The following MARCHF1 variants were observed in gnomAD, a reference collection of about 807,000 sequenced individuals.
MARCHF1 encodes the protein E3 ubiquitin-protein ligase MARCHF1.
Under a neutral mutation model 54.2 loss-of-function variants are expected in MARCHF1, and 40 were observed. That is an observed-to-expected ratio of 0.74 (90% CI 0.57 to 0.96). MARCHF1 has a LOEUF of 0.96. MARCHF1 is among the 40% of genes least tolerant of loss of function. The probability of loss-of-function intolerance (pLI) is 0.00; values close to 1 mark genes in which losing one functional copy is unlikely to be tolerated. For missense variants in MARCHF1, 586 were observed against 656.5 expected (o/e 0.89, Z 1.17); for synonymous variants, 236 against 236.3 (o/e 1.00, Z 0.01).
At chr4:163,777,102 C>T (rs1466855444) in intron 4 of MARCHF1, among the ~76,000 whole-genome samples, 4 of 152,124 alleles carry the variant, frequency 2.6e-5, no homozygotes, top group Admixed American at 6.6e-5. Flanking sequence ...TGATTATTTG[C>T]ATCTGGGTCA....
chr4:163,660,679 C>T (rs1743318042), intron 5 of MARCHF1, among the ~76,000 whole-genome samples: 1 of 151,912 alleles, frequency 6.6e-6, no homozygotes, highest in African/African-American at 2.4e-5. Context: ...TTTTATAAAA[C>T]TCAATTAAAA....
intron 4 of MARCHF1, among the ~76,000 whole-genome samples, chr4:163,765,325 T>C (rs1411276934): frequency 3.9e-5 from 6 of 152,110 alleles, no homozygotes; most frequent in East Asian, 3.8e-4. Flanking sequence ...TCAAAGACTA[T>C]TATCAATGTA....
At chr4:163,602,676 C>T (rs1365222090) in intron 7 of MARCHF1, among the ~76,000 whole-genome samples, 1 of 152,092 alleles carries the variant, frequency 6.6e-6, no homozygotes, top group Non-Finnish European at 1.5e-5. Flanking sequence ...TCTTAAGAGT[C>T]TGTTACCTCT....
chr4:163,742,363 CCT>C (rs1746223641), intron 4 of MARCHF1, among the ~76,000 whole-genome samples: 1 of 141,470 alleles, frequency 7.1e-6, no homozygotes, highest in South Asian at 2.4e-4. Flanking sequence ...TCCCTCCCTC[CCT>C]CTCTCCCTCC....
chr4:163,953,664 A>G (rs777111625), intron 3 of MARCHF1, among the ~76,000 whole-genome samples: 34 of 152,176 alleles, frequency 2.2e-4, no homozygotes, highest in Non-Finnish European at 3.8e-4. Context: ...TCAGCAAACT[A>G]TAGCCTGGAG....
At chr4:163,837,134 T>C (rs887214784) in intron 4 of MARCHF1, among the ~76,000 whole-genome samples, 3 of 152,128 alleles carry the variant, frequency 2.0e-5, no homozygotes, top group African/African-American at 7.2e-5. Context: ...AAACATACCA[T>C]TTTCATGAAT....
intron 1 of MARCHF1, among the ~76,000 whole-genome samples, chr4:164,311,323 A>C (rs775397085): frequency 2.6e-5 from 4 of 152,198 alleles, no homozygotes; most frequent in Non-Finnish European, 5.9e-5. Context: ...AGTTACAGAA[A>C]CATCTTCTTT....
At chr4:164,338,194 T>C (rs1729808167) in intron 1 of MARCHF1, among the ~76,000 whole-genome samples, 1 of 151,222 alleles carries the variant, frequency 6.6e-6, no homozygotes, top group African/African-American at 2.5e-5. Flanking sequence ...TGTAAGACTC[T>C]TATAACTTAT....
At chr4:163,994,412 C>A (rs998709787) in intron 2 of MARCHF1, among the ~76,000 whole-genome samples, 1 of 151,620 alleles carries the variant, frequency 6.6e-6, no homozygotes, top group African/African-American at 2.4e-5. Flanking sequence ...CCCTGGTATT[C>A]TCAAGCCTAG....
At chr4:163,609,688 A>T (rs771503231) in intron 7 of MARCHF1, among the ~76,000 whole-genome samples, 65 of 145,810 alleles carry the variant, frequency 4.5e-4, no homozygotes, top group African/African-American at 9.6e-4. Context: ...ATATATATAT[A>T]TTTTTTTGCC....
chr4:163,994,843 A>G (rs1272963525), intron 2 of MARCHF1, among the ~76,000 whole-genome samples: 3 of 151,254 alleles, frequency 2.0e-5, no homozygotes, highest in African/African-American at 7.3e-5. Flanking sequence ...AGATGTAGAG[A>G]TACATGTATC....
Position 164,038,917 on chromosome 4 carries a change from T to C in MARCHF1, c.-247-50208A>G, listed in dbSNP as rs183103609. 3.9e-5 allele frequency among the ~76,000 whole-genome samples: 6 copies of C among 152,234 alleles called. No individual in the cohort carries two copies. The East Asian group carries it at 1.2e-3, about 29-fold the overall frequency. On this transcript the variant is annotated intron_variant, in intron 2 of 9. Coordinates refer to ENST00000514618, the MANE Select transcript of MARCHF1 (RefSeq NM_001394959.1). ...AGTGGAACCCCCTCAATAATTTACA[T>C]AATTGATGATGAATAATCAAATATA...
At chr4:164,382,571 G>A (rs1731398975) in intron 1 of MARCHF1, among the ~76,000 whole-genome samples, 1 of 152,114 alleles carries the variant, frequency 6.6e-6, no homozygotes, top group African/African-American at 2.4e-5. Flanking sequence ...AAAAGTCACT[G>A]AACCCCCAAA....
intron 2 of MARCHF1, among the ~76,000 whole-genome samples, chr4:164,065,830 T>G (rs1754715081): frequency 6.6e-6 from 1 of 152,094 alleles, no homozygotes; most frequent in African/African-American, 2.4e-5. Flanking sequence ...GAGTCTGATG[T>G]CCAGGGCAGG....
chr4:164,289,431 T>C (rs759928298), intron 1 of MARCHF1, among the ~76,000 whole-genome samples: 5 of 151,988 alleles, frequency 3.3e-5, no homozygotes, highest in African/African-American at 4.8e-5. Context: ...CATTAATCAC[T>C]ATATGGACTT....
intron 4 of MARCHF1, among the ~76,000 whole-genome samples, chr4:163,773,965 G>GT (rs765805503): frequency 6.6e-5 from 10 of 152,058 alleles, no homozygotes; most frequent in East Asian, 3.9e-4. Flanking sequence ...AATCATATCT[G>GT]TTTTTTATGC....
rs3059785 is a variant in MARCHF1 at position 164,168,663 on chromosome 4, T to TACAC, written c.-322-57005_-322-57002dup. Among the ~76,000 whole-genome samples, 1,211 of 147,132 alleles carry TACAC rather than the reference T, an allele frequency of 8.2e-3. 11 individuals carry two copies. Among genetic ancestry groups the TACAC allele is most frequent in the East Asian group, 0.04 (200 of 5,050 alleles). On this transcript the variant is annotated intron_variant, in intron 1 of 9. Coordinates refer to ENST00000514618, the MANE Select transcript of MARCHF1 (RefSeq NM_001394959.1). Reference sequence around the variant, plus strand: ...TGCATGATCTCACTTTTATGTGGAATACACACACACACACACACACACACA... The same window carrying TACAC: ...TGCATGATCTCACTTTTATGTGGAATACACACACACACACACACACACACACACA...
At chr4:163,751,565 A>G (rs943560990) in intron 4 of MARCHF1, among the ~76,000 whole-genome samples, 3 of 145,856 alleles carry the variant, frequency 2.1e-5, no homozygotes, top group Non-Finnish European at 4.6e-5. Context: ...CTGTAATAAA[A>G]CACAATTTTA....
rs995793886 is a variant in MARCHF1 at position 163,729,539 on chromosome 4, G to A, written c.112-28676C>T. ...GACTCCACTTATTTAATAGATACAA[G>A]CCTACTCAAAGTTTTTTATTTCTTC... On this transcript the variant is annotated intron_variant, in intron 4 of 9. Transcript: ENST00000514618. Among the ~76,000 whole-genome samples the A allele has an allele frequency of 3.3e-5, 5 of 151,958 alleles. No homozygotes were observed. The East Asian group carries it at 7.7e-4, about 23-fold the overall frequency.
Sources: gnomAD v4.1 joint callset for allele counts (sites outside exome capture counted in the v4.1 genomes callset) on GRCh38, gnomAD v4.1.1 for gene constraint, MANE v1.5 for transcripts, NCBI Gene and HGNC (gene_info 2026-07-23, HGNC 2026-07-21) for gene names.